Variants in NIN observed in about 807,000 individuals in gnomAD.
NIN encodes the protein ninein.
Under a neutral mutation model 257.6 loss-of-function variants are expected in NIN, and 137 were observed. That is an observed-to-expected ratio of 0.53 (90% CI 0.46 to 0.61). NIN has a LOEUF of 0.61. Among genes scored for constraint, NIN ranks in the 20% least tolerant of loss-of-function variants. The probability of loss-of-function intolerance (pLI) is 0.00; values close to 1 mark genes in which losing one functional copy is unlikely to be tolerated. For synonymous variants in NIN, 918 were observed against 919.8 expected (o/e 1.00, Z 0.04); for missense variants, 2,439 against 2,501.2 (o/e 0.98, Z 0.53).
chr14:50,825,747 TC>T (rs1223610585), intron 2 of NIN, among the ~76,000 whole-genome samples: 2 of 152,222 alleles, frequency 1.3e-5, no homozygotes, highest in Non-Finnish European at 2.9e-5. Flanking sequence ...ACCACTTATC[TC>T]CACCTTTATG....
At chr14:50,796,130 T>C (rs1006216728) in intron 4 of NIN, among the ~76,000 whole-genome samples, 3 of 152,196 alleles carry the variant, frequency 2.0e-5, no homozygotes, top group Non-Finnish European at 2.9e-5. Context: ...TTTCCTTCTT[T>C]CCCATTTTCC....
At chr14:50,754,514 G>A (rs1226853546) in intron 20 of NIN, 49 bp downstream of exon 20, 1 of 1,477,922 alleles carries the variant, frequency 6.8e-7, no homozygotes, top group Non-Finnish European at 9.3e-7. Flanking sequence ...CAAAAAATGG[G>A]AAAATTTTGG....
rs1043310287 is a variant in NIN at position 50,752,682 on chromosome 14, G to A, written c.4786C>T (p.Leu1596Phe). The A allele has an allele frequency of 6.2e-6, 10 of 1,609,926 alleles. No individual in the cohort carries two copies. The highest frequency in any genetic ancestry group is 1.7e-4 in the Middle Eastern group (1 of 6,058). Reference sequence around the variant, plus strand: ...TGGTTTTGAGAGTTCTTTTGGCTAAGTTCTGTATTTTCCAAATCCAATTGT... The same window carrying A: ...TGGTTTTGAGAGTTCTTTTGGCTAAATTCTGTATTTTCCAAATCCAATTGT... Reference protein sequence around the residue: ...NQQLDLENTELSQKNSQNQEK... With the variant: ...NQQLDLENTEFSQKNSQNQEK... The change falls in exon 21 of 31, where the codon CTT (leucine) becomes TTT (phenylalanine). Residue 1596 changes from leucine (L) to phenylalanine (F), a missense_variant. Leu to Phe is a conservative substitution (Grantham distance 22). Transcript: ENST00000530997.
Position 50,770,991 on chromosome 14 carries a change from C to T in NIN, c.1120G>A (p.Glu374Lys), listed in dbSNP as rs1247450138. The T allele has an allele frequency of 6.2e-7, 1 of 1,613,328 alleles. No homozygotes were observed. The highest frequency in any genetic ancestry group is 1.1e-5 in the South Asian group (1 of 91,018). The change falls in exon 11 of 31, where the codon GAA (glutamate) becomes AAA (lysine). Residue 374 changes from glutamate to lysine, a missense_variant and splice_region_variant. By Grantham distance (56) the Glu-to-Lys change is moderately conservative. Transcript: ENST00000530997. ...TCTCTGACCACCTGATCAACTCGTT[C>T]CCTAGGATCAGAAGTACACTGAGTT... is the stretch of plus-strand genomic sequence containing the variant. ...SFKAEIRHLLERVDQVVREKE... is the reference protein window; with the variant it reads ...SFKAEIRHLLKRVDQVVREKE...
chr14:50,723,408 A>G lies in NIN; in HGVS notation c.*55T>C. ...TTAATTTTAAGTTGAGAACCTACTG[A>G]AATGTTCATCTATTTCAGTAAAGTG... On this transcript the variant is annotated 3_prime_UTR_variant, in exon 31 of 31. Transcript: ENST00000530997. The G allele has an allele frequency of 2.0e-6, 3 of 1,487,618 alleles. No individual in the cohort carries two copies. Among genetic ancestry groups the G allele is most frequent in the Non-Finnish European group, 2.8e-6 (3 of 1,072,788 alleles). 92.2% of individuals were successfully genotyped at this position (1,487,618 alleles called of 1,614,324 possible).
At chr14:50,824,560 A>G (rs1330013099) in intron 2 of NIN, among the ~76,000 whole-genome samples, 1 of 152,194 alleles carries the variant, frequency 6.6e-6, no homozygotes, top group South Asian at 2.1e-4. Flanking sequence ...CCAAATGTTC[A>G]TCAGTAATTT....
intron 5 of NIN, among the ~76,000 whole-genome samples, chr14:50,788,362 A>G (rs987407119): frequency 2.6e-5 from 4 of 152,216 alleles, no homozygotes; most frequent in African/African-American, 9.7e-5. Context: ...TACATTAAAT[A>G]TAAATTTAGT....
intron 12 of NIN, among the ~76,000 whole-genome samples, chr14:50,769,219 C>A (rs1321164732): frequency 6.6e-6 from 1 of 152,122 alleles, no homozygotes; most frequent in Non-Finnish European, 1.5e-5. Context: ...TATTATGGTG[C>A]CCATTTTTAA....
intron 16 of NIN, 51 bp downstream of exon 16, chr14:50,761,739 C>A: frequency 6.2e-7 from 1 of 1,608,836 alleles, no homozygotes; most frequent in Non-Finnish European, 8.5e-7. Context: ...CACACATAAG[C>A]CTGTCAGAGC....
Position 50,754,875 on chromosome 14 carries a change from A to C in NIN, c.4539-8T>G. ...AGCTTTTCAGATTCATATCTGAAGC[A>C]CAGAGATTGAAAAAAATTGTTACAA... On this transcript the variant is annotated splice_polypyrimidine_tract_variant and splice_region_variant and intron_variant, in intron 18 of 30. Transcript: ENST00000530997. 6.5e-7 allele frequency: 1 copy of C among 1,540,210 alleles called. No individual in the cohort carries two copies. Among genetic ancestry groups the C allele is most frequent in the South Asian group, 1.2e-5 (1 of 80,758 alleles).
At chr14:50,824,918 G>A (rs145859956) in intron 2 of NIN, among the ~76,000 whole-genome samples, 81 of 152,324 alleles carry the variant, frequency 5.3e-4, no homozygotes, top group African/African-American at 1.8e-3. Context: ...AACATGCAGC[G>A]CTGTCTGAAG....
At chr14:50,799,552 C>A (rs1452926675) in intron 4 of NIN, among the ~76,000 whole-genome samples, 1 of 152,224 alleles carries the variant, frequency 6.6e-6, no homozygotes, top group African/African-American at 2.4e-5. Context: ...TGATCTTATT[C>A]TTGCCCCAAT....
rs2040295907 is a variant in NIN at position 50,722,802 on chromosome 14, C to CT, written c.*660dup. On this transcript the variant is annotated 3_prime_UTR_variant, in exon 31 of 31. Coordinates refer to ENST00000530997, the MANE Select transcript of NIN (RefSeq NM_020921.4). ...GAAAAGGCTGTTTAAAGCAAGTAAG[C>CT]TTTTAACATTAGTTAAGAGTGCAAT... The CT allele has an allele frequency of 4.8e-6, 1 of 210,144 alleles. No homozygotes were observed. Among genetic ancestry groups the CT allele is most frequent in the African/African-American group, 2.3e-5 (1 of 44,148 alleles). 13.0% of individuals were successfully genotyped at this position (210,144 alleles called of 1,614,324 possible).
chr14:50,767,764 C>T (rs1438740503), intron 12 of NIN, among the ~76,000 whole-genome samples: 1 of 150,880 alleles, frequency 6.6e-6, no homozygotes, highest in Admixed American at 6.6e-5. Flanking sequence ...TTGCAGTGAG[C>T]CGAGATGGCG....
At chr14:50,827,062 C>T (rs948011722) in intron 2 of NIN, among the ~76,000 whole-genome samples, 4 of 152,290 alleles carry the variant, frequency 2.6e-5, no homozygotes, top group East Asian at 3.9e-4. Context: ...TTTGGCAAGT[C>T]GGAGCCTAAT....
intron 2 of NIN, among the ~76,000 whole-genome samples, chr14:50,825,114 C>T (rs1293991189): frequency 1.3e-5 from 2 of 152,066 alleles, no homozygotes; most frequent in Non-Finnish European, 2.9e-5. Flanking sequence ...GGCAAGCAAG[C>T]GAGAGTGGCT....
chr14:50,778,655 C>G lies in NIN; in HGVS notation c.475+110G>C, dbSNP rs889695021. 8 of 926,032 alleles carry G rather than the reference C, an allele frequency of 8.6e-6. No homozygotes were observed. In the African/African-American group the frequency reaches 1.3e-4, roughly 15 times the overall value. 57.4% of individuals were successfully genotyped at this position (926,032 alleles called of 1,614,324 possible). ...GAATAAATTTTTTGTTGCTGTTGTT[C>G]TTAATGTTAATTCCCCTGGCCTGCA... On this transcript the variant is annotated intron_variant, in intron 6 of 30. Coordinates refer to ENST00000530997, the MANE Select transcript of NIN (RefSeq NM_020921.4).
intron 4 of NIN, among the ~76,000 whole-genome samples, chr14:50,801,495 C>A (rs930421537): frequency 7.2e-5 from 11 of 152,214 alleles, no homozygotes; most frequent in African/African-American, 1.9e-4. Flanking sequence ...ACTTAACCAA[C>A]AGAAGACAAC....
At position 50,723,296 on chromosome 14, in the gene NIN, T is replaced by A. The variant is rs2040305189; in HGVS notation, c.*167A>T. The A allele has an allele frequency of 2.0e-6, 1 of 510,112 alleles. No individual in the cohort carries two copies. Among genetic ancestry groups the A allele is most frequent in the Admixed American group, 3.7e-5 (1 of 27,352 alleles). The allele number at this position is 510,112 out of a possible 1,614,324, so 31.6% of individuals were successfully genotyped here. A position where few individuals can be genotyped will look rare whatever the true frequency, so the allele number is the denominator to read the frequency against. ...AGTAGTGAAATATGTGAGTATTTATTTTCAAACTCCCATAAGGGTCTATTT... is the reference window on the plus strand; with the variant it reads ...AGTAGTGAAATATGTGAGTATTTATATTCAAACTCCCATAAGGGTCTATTT... On this transcript the variant is annotated 3_prime_UTR_variant, in exon 31 of 31. Transcript: ENST00000530997.
Sources: allele counts gnomAD v4.1 joint callset (sites outside exome capture counted in the v4.1 genomes callset), GRCh38; gene constraint gnomAD v4.1.1; transcripts MANE v1.5; gene names NCBI Gene and HGNC (gene_info 2026-07-23, HGNC 2026-07-21).